The following NKAIN2 variants were observed in gnomAD, a reference collection of about 807,000 sequenced individuals.
NKAIN2 encodes sodium/potassium transporting ATPase interacting 2.
In NKAIN2, 14 loss-of-function variants were observed where a neutral mutation model predicts 32.6. The observed-to-expected ratio is 0.43, with a 90% CI of 0.28 to 0.67. The LOEUF is 0.67. NKAIN2 is among the 30% of genes least tolerant of loss of function. The probability of loss-of-function intolerance (pLI) is 0.17; values close to 1 mark genes in which losing one functional copy is unlikely to be tolerated. For missense variants in NKAIN2, 198 were observed against 258.3 expected, an observed-to-expected ratio of 0.77 and a Z score of 1.60; for synonymous variants, 80 against 87.2, an observed-to-expected ratio of 0.92 and a Z score of 0.46.
chr6:123,814,474 A>G (rs564806114), intron 1 of NKAIN2, among the ~76,000 whole-genome samples: 136 of 152,340 alleles, frequency 8.9e-4, no homozygotes, highest in African/African-American at 3.0e-3. Flanking sequence ...TTTAGTAAAT[A>G]TAAATCTTGC....
At chr6:124,518,502 T>C (rs938638955) in intron 3 of NKAIN2, among the ~76,000 whole-genome samples, 1 of 152,032 alleles carries the variant, frequency 6.6e-6, no homozygotes, top group Non-Finnish European at 1.5e-5. Context: ...TCCAGAGGCT[T>C]ACAAGGTGAA....
chr6:124,330,925 A>G (rs1797624850), intron 2 of NKAIN2, among the ~76,000 whole-genome samples: 1 of 152,118 alleles, frequency 6.6e-6, no homozygotes, highest in African/African-American at 2.4e-5. Context: ...ATGAGAATCT[A>G]AGTAATGGCT....
At chr6:124,442,584 T>G (rs761071595) in intron 3 of NKAIN2, among the ~76,000 whole-genome samples, 6 of 152,110 alleles carry the variant, frequency 3.9e-5, no homozygotes, top group Non-Finnish European at 8.8e-5. Flanking sequence ...GCCCAATCCC[T>G]GAAATACCAT....
intron 1 of NKAIN2, among the ~76,000 whole-genome samples, chr6:123,918,782 A>G (rs1775611678): frequency 6.6e-6 from 1 of 152,164 alleles, no homozygotes; most frequent in Admixed American, 6.6e-5. Context: ...GAATAAGTGT[A>G]ATTCACTATA....
At chr6:123,905,690 T>A (rs1774831293) in intron 1 of NKAIN2, among the ~76,000 whole-genome samples, 1 of 151,992 alleles carries the variant, frequency 6.6e-6, no homozygotes, top group South Asian at 2.1e-4. Flanking sequence ...GCTTGCATAA[T>A]GTATATATTT....
chr6:124,737,329 T>G (rs2114679567), intron 4 of NKAIN2, among the ~76,000 whole-genome samples: 1 of 151,960 alleles, frequency 6.6e-6, no homozygotes, highest in South Asian at 2.1e-4. Context: ...AAAGGGGCTT[T>G]TCCCCCTTTT....
intron 5 of NKAIN2, among the ~76,000 whole-genome samples, chr6:124,806,917 T>A (rs1012817529): frequency 6.6e-5 from 10 of 152,244 alleles, no homozygotes; most frequent in African/African-American, 2.2e-4. Flanking sequence ...GGTAAGGGGA[T>A]CAATTCAACA....
intron 3 of NKAIN2, among the ~76,000 whole-genome samples, chr6:124,629,963 C>T (rs368879455): frequency 2.9e-4 from 44 of 151,962 alleles, no homozygotes; most frequent in African/African-American, 9.7e-4. Flanking sequence ...GGTTGGGTAG[C>T]GAAGGACTAC....
At chr6:124,147,882 A>G (rs1787498537) in intron 1 of NKAIN2, among the ~76,000 whole-genome samples, 1 of 152,142 alleles carries the variant, frequency 6.6e-6, no homozygotes, top group Non-Finnish European at 1.5e-5. Context: ...TTTTATATAA[A>G]GGGCCAGGAC....
At chr6:124,176,352 G>T (rs2114522715) in intron 1 of NKAIN2, among the ~76,000 whole-genome samples, 1 of 152,240 alleles carries the variant, frequency 6.6e-6, no homozygotes. Context: ...TCCAGGACTA[G>T]CTAGTCTCTA....
chr6:124,431,866 C>T (rs1240077130), intron 3 of NKAIN2, among the ~76,000 whole-genome samples: 1 of 152,074 alleles, frequency 6.6e-6, no homozygotes, highest in Non-Finnish European at 1.5e-5. Context: ...TCCACCACCA[C>T]TAACAGCAAC....
chr6:124,067,611 T>C (rs1365175679), intron 1 of NKAIN2, among the ~76,000 whole-genome samples: 1 of 152,206 alleles, frequency 6.6e-6, no homozygotes, highest in Non-Finnish European at 1.5e-5. Flanking sequence ...AATGAAGCTC[T>C]CAAGTTATTG....
At chr6:124,621,700 T>G (rs897801120) in intron 3 of NKAIN2, among the ~76,000 whole-genome samples, 4 of 152,158 alleles carry the variant, frequency 2.6e-5, no homozygotes, top group African/African-American at 9.7e-5. Flanking sequence ...AAGGAAAGAT[T>G]ACCAGTTTGA....
chr6:123,899,115 G>T (rs1264147981), intron 1 of NKAIN2, among the ~76,000 whole-genome samples: 5 of 152,212 alleles, frequency 3.3e-5, no homozygotes, highest in Non-Finnish European at 5.9e-5. Flanking sequence ...GTATCTGTAT[G>T]ATAGGTATTG....
In NKAIN2 at chr6:124,342,416, A is replaced by T. The variant is rs904117043; in HGVS notation, c.193-12851A>T. ...AGAGTGAGACTCCATCTCAAAAAAAAAAAAAACAAAACACCTTTATTATTA... is the reference window on the plus strand; with the variant it reads ...AGAGTGAGACTCCATCTCAAAAAAATAAAAAACAAAACACCTTTATTATTA... On this transcript the variant is annotated intron_variant, in intron 2 of 6. Transcript: ENST00000368417. Among the ~76,000 whole-genome samples the T allele has an allele frequency of 2.1e-5, 3 of 145,944 alleles. No individual in the cohort carries two copies. In the South Asian group the frequency reaches 6.2e-4, roughly 30 times the overall value.
Position 124,333,181 on chromosome 6 carries a change from G to A in NKAIN2, c.193-22086G>A, listed in dbSNP as rs117123794. Among the ~76,000 whole-genome samples the A allele has an allele frequency of 7.2e-3, 1,091 of 152,126 alleles. 7 individuals are homozygous for A. Among genetic ancestry groups the A allele is most frequent in the Middle Eastern group, 0.027 (8 of 294 alleles). On this transcript the variant is annotated intron_variant, in intron 2 of 6. Transcript: ENST00000368417. ...AATATATGTATAGCACTTGGCCCTC[G>A]TGGCAAATTACTTGACACTAATAAA...
intron 1 of NKAIN2, among the ~76,000 whole-genome samples, chr6:123,884,881 AAC>A (rs1314060191): frequency 6.6e-6 from 1 of 152,150 alleles, no homozygotes; most frequent in African/African-American, 2.4e-5. Context: ...CAGTCATTTT[AAC>A]AGTGTCTATA....
intron 1 of NKAIN2, among the ~76,000 whole-genome samples, chr6:123,973,891 G>T (rs1778441352): frequency 6.6e-6 from 1 of 152,052 alleles, no homozygotes; most frequent in Middle Eastern, 3.2e-3. Flanking sequence ...TTAGAATAGA[G>T]AATTTGTTCC....
intron 3 of NKAIN2, among the ~76,000 whole-genome samples, chr6:124,425,072 C>T (rs1686464138): frequency 1.3e-5 from 2 of 152,036 alleles, no homozygotes; most frequent in African/African-American, 4.8e-5. Context: ...TAATTTTCAA[C>T]CAGGGCACCA....
Sources: gnomAD v4.1 joint callset for allele counts (sites outside exome capture counted in the v4.1 genomes callset) on GRCh38, gnomAD v4.1.1 for gene constraint, MANE v1.5 for transcripts, NCBI Gene and HGNC (gene_info 2026-07-23, HGNC 2026-07-21) for gene names.